RBFOX1: variants seen among roughly 807,000 people sequenced by gnomAD.
RBFOX1 encodes the protein RNA binding protein fox-1 homolog 1.
Under a neutral mutation model 57.7 loss-of-function variants are expected in RBFOX1, and 8 were observed. That is an observed-to-expected ratio of 0.14 (90% CI 0.08 to 0.25). The LOEUF is 0.25. Among genes scored for constraint, RBFOX1 ranks in the 10% least tolerant of loss-of-function variants. The pLI is 1.00. For missense variants in RBFOX1, 611 were observed against 548.5 expected (o/e 1.11, Z -1.14); for synonymous variants, 326 against 222.4 (o/e 1.47, Z -4.15).
chr16:5,700,676 T>C (rs1427205372), intron 3 of RBFOX1, among the ~76,000 whole-genome samples: 1 of 152,236 alleles, frequency 6.6e-6, no homozygotes, highest in Non-Finnish European at 1.5e-5. Context: ...GTTCTGTTAT[T>C]GTTTTTGCCC....
At chr16:6,094,117 C>T (rs2096213930) in intron 1 of RBFOX1, among the ~76,000 whole-genome samples, 1 of 152,214 alleles carries the variant, frequency 6.6e-6, no homozygotes, top group Non-Finnish European at 1.5e-5. Flanking sequence ...GAGAAACCTA[C>T]TGTGAAATAG....
intron 1 of RBFOX1, among the ~76,000 whole-genome samples, chr16:5,358,694 A>G (rs1431187146): frequency 1.3e-5 from 2 of 152,270 alleles, no homozygotes; most frequent in African/African-American, 4.8e-5. Context: ...GTGGTGGCGC[A>G]TGTATGCCTA....
chr16:7,371,926 G>A (rs947049335), intron 4 of RBFOX1, among the ~76,000 whole-genome samples: 1 of 152,006 alleles, frequency 6.6e-6, no homozygotes, highest in Non-Finnish European at 1.5e-5. Context: ...TCTACACTAG[G>A]TGGCTGTGAC....
chr16:7,396,591 C>T (rs756413200), intron 4 of RBFOX1, among the ~76,000 whole-genome samples: 1 of 152,136 alleles, frequency 6.6e-6, no homozygotes, highest in Non-Finnish European at 1.5e-5. Context: ...ACTTTAAGCT[C>T]AGTTTGTACC....
chr16:5,370,668 T>C (rs2065835343), intron 1 of RBFOX1, among the ~76,000 whole-genome samples: 1 of 151,808 alleles, frequency 6.6e-6, no homozygotes, highest in Non-Finnish European at 1.5e-5. Context: ...ATTTTTTTTT[T>C]ATGTTTTGTA....
At chr16:6,196,894 G>A (rs75858465) in intron 1 of RBFOX1, among the ~76,000 whole-genome samples, 2,942 of 151,438 alleles carry the variant, frequency 0.019, 72 homozygotes, top group African/African-American at 0.063. Context: ...ATCTCTGTCC[G>A]CTGCCTACAC....
rs143187974 is a variant in RBFOX1 at position 6,051,955 on chromosome 16, C to T, written c.-127+31963C>T. 5.9e-5 allele frequency among the ~76,000 whole-genome samples: 9 copies of T among 152,278 alleles called. No individual in the cohort carries two copies. The East Asian group carries it at 1.7e-3, about 29-fold the overall frequency. ...CTGCCAGAGTCAGAGCCCTACACTC[C>T]CTCACCTGGACCGACAAGTTTGACG... On this transcript the variant is annotated intron_variant, in intron 1 of 15. Coordinates refer to ENST00000550418, the MANE Select transcript of RBFOX1 (RefSeq NM_018723.4).
Position 7,462,269 on chromosome 16 carries a change from A to G in RBFOX1, c.28-55878A>G, listed in dbSNP as rs148190040. On this transcript the variant is annotated intron_variant, in intron 4 of 15. Coordinates refer to ENST00000550418, the MANE Select transcript of RBFOX1 (RefSeq NM_018723.4). Reference sequence around the variant, plus strand: ...ATCACCACAAATTTAACAGAGTAAAAGAAACACCCGGGGTCAGGAGTTCAA... The same window carrying G: ...ATCACCACAAATTTAACAGAGTAAAGGAAACACCCGGGGTCAGGAGTTCAA... 1.2e-3 allele frequency among the ~76,000 whole-genome samples: 189 copies of G among 152,328 alleles called. 1 individual carries two copies. The highest frequency in any genetic ancestry group is 4.4e-3 in the African/African-American group (183 of 41,578).
intron 3 of RBFOX1, among the ~76,000 whole-genome samples, chr16:5,718,542 T>C (rs118027473): frequency 0.02 from 3,081 of 152,346 alleles, 38 homozygotes; most frequent in Non-Finnish European, 0.032. Flanking sequence ...GAAAATCAAG[T>C]ACAGTTATTA....
At chr16:6,039,766 T>A (rs1009330099) in intron 1 of RBFOX1, among the ~76,000 whole-genome samples, 1 of 152,230 alleles carries the variant, frequency 6.6e-6, no homozygotes, top group Admixed American at 6.5e-5. Context: ...AACAAATTAA[T>A]GCAAAACATA....
chr16:7,171,001 C>T (rs1379693571), intron 4 of RBFOX1, among the ~76,000 whole-genome samples: 3 of 152,176 alleles, frequency 2.0e-5, no homozygotes, highest in Non-Finnish European at 4.4e-5. Context: ...CGTCTTGCTC[C>T]AGTCTGCTCA....
At chr16:6,415,726 A>G (rs1287203307) in intron 2 of RBFOX1, among the ~76,000 whole-genome samples, 1 of 152,144 alleles carries the variant, frequency 6.6e-6, no homozygotes, top group South Asian at 2.1e-4. Context: ...CAAACAGAAC[A>G]AAACAGGAGA....
chr16:5,710,612 G>A (rs1312386983), intron 3 of RBFOX1, among the ~76,000 whole-genome samples: 1 of 152,204 alleles, frequency 6.6e-6, no homozygotes, highest in African/African-American at 2.4e-5. Context: ...GTTGTGGTTG[G>A]GGAGGGTTGG....
At chr16:6,979,395 G>C (rs1312067378) in intron 3 of RBFOX1, among the ~76,000 whole-genome samples, 1 of 151,988 alleles carries the variant, frequency 6.6e-6, no homozygotes, top group Non-Finnish European at 1.5e-5. Context: ...TCCATTGTGC[G>C]ATAGACCCAC....
rs998614917 is a variant in RBFOX1 at position 7,023,278 on chromosome 16, A to T, written c.-15-28779A>T. Among the ~76,000 whole-genome samples the T allele has an allele frequency of 5.3e-5, 8 of 151,862 alleles. 1 individual carries two copies. Among genetic ancestry groups the T allele is most frequent in the Admixed American group, 4.6e-4 (7 of 15,228 alleles). Reference sequence around the variant, plus strand: ...GATTGCCTGAGGTCAGGAGTCCAAGACCAGACCGCATCTCTACTAAAAATA... The same window carrying T: ...GATTGCCTGAGGTCAGGAGTCCAAGTCCAGACCGCATCTCTACTAAAAATA... On this transcript the variant is annotated intron_variant, in intron 3 of 15. Coordinates refer to ENST00000550418, the MANE Select transcript of RBFOX1 (RefSeq NM_018723.4).
chr16:6,544,958 A>G (rs1264174307), intron 2 of RBFOX1, among the ~76,000 whole-genome samples: 1 of 152,188 alleles, frequency 6.6e-6, no homozygotes, highest in Non-Finnish European at 1.5e-5. Flanking sequence ...GATTAGGCAA[A>G]GGGTGATTAA....
At chr16:6,794,070 A>G (rs906153844) in intron 3 of RBFOX1, among the ~76,000 whole-genome samples, 2 of 152,104 alleles carry the variant, frequency 1.3e-5, no homozygotes, top group Admixed American at 6.5e-5. Context: ...ATACTGCCCA[A>G]TAACATCTGA....
chr16:5,674,427 G>A (rs928586596), intron 3 of RBFOX1, among the ~76,000 whole-genome samples: 2 of 152,152 alleles, frequency 1.3e-5, no homozygotes, highest in African/African-American at 4.8e-5. Context: ...ACATGCCCGG[G>A]CGCAGGTTGA....
chr16:6,529,295 G>A (rs2096623882), intron 2 of RBFOX1, among the ~76,000 whole-genome samples: 1 of 152,106 alleles, frequency 6.6e-6, no homozygotes, highest in South Asian at 2.1e-4. Context: ...AGGCACGGTG[G>A]CTCATGCCTG....
Sources: gnomAD v4.1 joint callset for allele counts (sites outside exome capture counted in the v4.1 genomes callset) on GRCh38, gnomAD v4.1.1 for gene constraint, MANE v1.5 for transcripts, NCBI Gene and HGNC (gene_info 2026-07-23, HGNC 2026-07-21) for gene names.